The following LRRC7 variants were observed in gnomAD, a reference collection of about 807,000 sequenced individuals.
The protein encoded by LRRC7 is leucine rich repeat containing 7.
A neutral mutation model predicts 175.7 loss-of-function variants in LRRC7; 23 were observed. The ratio of observed to expected loss-of-function variants is 0.13; its 90% CI spans 0.09 to 0.19. The LOEUF (loss-of-function observed/expected upper bound fraction) is 0.19, where lower values mean the gene tolerates loss of function less well. LRRC7 is among the 10% of genes least tolerant of loss of function. LRRC7 has a pLI of 1.00. For synonymous variants in LRRC7, 685 were observed against 680.9 expected, an observed-to-expected ratio of 1.01 and a Z score of -0.09; for missense variants, 1,354 against 1,904.7, an observed-to-expected ratio of 0.71 and a Z score of 5.38.
chr1:70,009,558 A>G (rs1012475683), intron 11 of LRRC7, among the ~76,000 whole-genome samples: 1 of 152,136 alleles, frequency 6.6e-6, no homozygotes, highest in Non-Finnish European at 1.5e-5. Flanking sequence ...GGAAAAATGT[A>G]CTGAACATGT....
chr1:69,699,366 C>T (rs1376136968), intron 2 of LRRC7, among the ~76,000 whole-genome samples: 2 of 152,044 alleles, frequency 1.3e-5, no homozygotes, highest in African/African-American at 2.4e-5. Context: ...ATGGTGAAAC[C>T]CCATCTCTAC....
chr1:70,088,537 G>A (rs1250807744), intron 24 of LRRC7, among the ~76,000 whole-genome samples: 2 of 152,112 alleles, frequency 1.3e-5, no homozygotes, highest in African/African-American at 4.8e-5. Context: ...CTGGGTGACA[G>A]AGTAAGACCT....
chr1:70,127,768 G>A lies in LRRC7; in HGVS notation c.*5881G>A, dbSNP rs1227244790. On this transcript the variant is annotated 3_prime_UTR_variant, in exon 27 of 27. Transcript: ENST00000651989. ...ATTTTGTTATGGCAGCACCTCAAAA[G>A]GTGGAAGGTTGTGAAATTCACGCAG... Among the ~76,000 whole-genome samples, 1 of 152,144 alleles carries A rather than the reference G, an allele frequency of 6.6e-6. No homozygotes were observed. The highest frequency in any genetic ancestry group is 1.5e-5 in the Non-Finnish European group (1 of 68,030).
intron 7 of LRRC7, among the ~76,000 whole-genome samples, chr1:69,842,794 G>A (rs10399623): frequency 0.055 from 8,351 of 152,116 alleles, 449 homozygotes; most frequent in African/African-American, 0.14. Flanking sequence ...ATTCTAAAAC[G>A]CAAGTTGTAT....
intron 7 of LRRC7, among the ~76,000 whole-genome samples, chr1:69,893,911 G>A (rs1367440029): frequency 6.6e-6 from 1 of 152,168 alleles, no homozygotes; most frequent in Non-Finnish European, 1.5e-5. Flanking sequence ...GGAGATGAAT[G>A]AGAAACTGAT....
At position 70,038,199 on chromosome 1, in the gene LRRC7, G is replaced by T. The variant is rs777755924; in HGVS notation, c.2375G>T (p.Arg792Leu). The T allele has an allele frequency of 6.2e-7, 1 of 1,614,100 alleles. No homozygotes were observed. Among genetic ancestry groups the T allele is most frequent in the Non-Finnish European group, 8.5e-7 (1 of 1,180,010 alleles). ...EAVPPGNIPQ[R>L]PDRLPMSDTF... is the part of the protein sequence containing the mutation. ...GTTCCCCCAGGCAATATACCACAGC[G>T]TCCTGACCGGCTGCCCATGAGTGAT... The change falls in exon 21 of 27, where the codon CGT (arginine) becomes CTT (leucine). Residue 792 changes from arginine to leucine, a missense_variant. This residue lies in a region of LRRC7 where 1,032 missense variants were observed against 1,227.2 expected (regional missense o/e 0.84). Coordinates refer to ENST00000651989, the MANE Select transcript of LRRC7 (RefSeq NM_001370785.2).
At chr1:69,641,469 G>T (rs1414565378) in intron 1 of LRRC7, among the ~76,000 whole-genome samples, 1 of 151,424 alleles carries the variant, frequency 6.6e-6, no homozygotes, top group African/African-American at 2.4e-5. Context: ...TTAGCTTTAA[G>T]AAATAAATTA....
intron 3 of LRRC7, among the ~76,000 whole-genome samples, chr1:69,780,840 T>C (rs933360220): frequency 6.6e-6 from 1 of 152,212 alleles, no homozygotes; most frequent in African/African-American, 2.4e-5. Context: ...TTTTCCCTGG[T>C]GAAATCTACA....
chr1:69,571,823 A>C (rs1045853222), intron 1 of LRRC7, among the ~76,000 whole-genome samples: 8 of 152,166 alleles, frequency 5.3e-5, no homozygotes, highest in African/African-American at 1.9e-4. Flanking sequence ...ATTATTGATG[A>C]ATTATCATCT....
intron 8 of LRRC7, among the ~76,000 whole-genome samples, chr1:69,939,642 T>C (rs1490749640): frequency 6.6e-6 from 1 of 152,102 alleles, no homozygotes; most frequent in African/African-American, 2.4e-5. Context: ...AAGTCGGTAC[T>C]GTGTCCTGAA....
chr1:69,600,800 C>CT (rs59212223), intron 1 of LRRC7, among the ~76,000 whole-genome samples: 10,408 of 64,716 alleles, frequency 0.16, 3,746 homozygotes, highest in East Asian at 0.31. Flanking sequence ...TCTCTGGTTT[C>CT]TTTTTTTTTT....
chr1:69,839,484 A>G (rs1681488246), intron 7 of LRRC7, among the ~76,000 whole-genome samples: 2 of 152,102 alleles, frequency 1.3e-5, no homozygotes, highest in Admixed American at 1.3e-4. Context: ...GGTTGGGGGC[A>G]TAAACAGGTT....
At chr1:69,899,694 T>C (rs533650385) in intron 7 of LRRC7, among the ~76,000 whole-genome samples, 1 of 152,284 alleles carries the variant, frequency 6.6e-6, no homozygotes, top group African/African-American at 2.4e-5. Context: ...GTGTTGCCAA[T>C]GTGGTAGTTT....
intron 11 of LRRC7, 74 bp downstream of exon 11, chr1:69,994,707 C>A: frequency 2.0e-6 from 2 of 985,256 alleles, no homozygotes; most frequent in East Asian, 2.4e-5. Context: ...TTTTCTAATT[C>A]AAAACATTTT....
chr1:69,807,040 C>T (rs574971619), intron 4 of LRRC7, among the ~76,000 whole-genome samples: 6 of 152,214 alleles, frequency 3.9e-5, no homozygotes, highest in African/African-American at 1.2e-4. Flanking sequence ...GATCCCTTTA[C>T]CATTATGTAA....
chr1:70,129,605 G>A lies in LRRC7; in HGVS notation c.*7718G>A, dbSNP rs1302371780. Among the ~76,000 whole-genome samples the A allele has an allele frequency of 1.3e-5, 2 of 152,168 alleles. No individual in the cohort carries two copies. Among genetic ancestry groups the A allele is most frequent in the African/African-American group, 4.8e-5 (2 of 41,428 alleles). On this transcript the variant is annotated 3_prime_UTR_variant, in exon 27 of 27. Transcript: ENST00000651989. ...AGTCCCTCCTATGACCACTGTCAGG[G>A]AGCGTGGGAATCCATGCTGTCCAAT...
chr1:69,738,431 T>C (rs954529972), intron 2 of LRRC7, among the ~76,000 whole-genome samples: 1 of 152,102 alleles, frequency 6.6e-6, no homozygotes, highest in African/African-American at 2.4e-5. Flanking sequence ...ATTTTTTAAA[T>C]ATTTTTCTTC....
At position 69,579,794 on chromosome 1, in the gene LRRC7, C is replaced by CTTT. The variant is rs71242784; in HGVS notation, c.2+11170_2+11172dup. ...AAGGAGTGTCTCTTTTGAATAGAAG[C>CTTT]TTTTTTTTTTTTTTTTTTTGGTAGA... On this transcript the variant is annotated intron_variant, in intron 1 of 26. Transcript: ENST00000651989. Among the ~76,000 whole-genome samples the CTTT allele has an allele frequency of 6.3e-4, 80 of 127,180 alleles. 1 individual carries two copies. The highest frequency in any genetic ancestry group is 1.7e-3 in the African/African-American group (56 of 33,002). The allele number at this position is 127,180 out of a possible 152,430, so 83.4% of individuals were successfully genotyped here.
chr1:70,047,723 A>G (rs1436699739), intron 22 of LRRC7, among the ~76,000 whole-genome samples: 1 of 152,050 alleles, frequency 6.6e-6, no homozygotes, highest in Admixed American at 6.6e-5. Flanking sequence ...CAAGCTAAAT[A>G]TAGGCTTTCT....
Sources: gnomAD v4.1 joint callset for allele counts (sites outside exome capture counted in the v4.1 genomes callset) on GRCh38, gnomAD v4.1.1 for gene constraint, gnomAD v4.1.1 regional missense constraint, MANE v1.5 for transcripts, NCBI Gene and HGNC (gene_info 2026-07-23, HGNC 2026-07-21) for gene names.